EPG5: variants seen among roughly 807,000 people sequenced by gnomAD.
EPG5 encodes the protein ectopic P granules protein 5 homolog.
In EPG5, 159 loss-of-function variants were observed where a neutral mutation model predicts 302.7. That is an observed-to-expected ratio of 0.53 (90% CI 0.46 to 0.60). The LOEUF is 0.60. EPG5 is among the 20% of genes least tolerant of loss of function. The pLI is 0.00. For synonymous variants in EPG5, 1,158 were observed against 1,136.8 expected (o/e 1.02, Z -0.37); for missense variants, 2,896 against 3,092.4 (o/e 0.94, Z 1.51).
chr18:45,878,291 T>G (rs1352105417), intron 34 of EPG5, 85 bp downstream of exon 34: 2 of 880,630 alleles, frequency 2.3e-6, no homozygotes, highest in Non-Finnish European at 3.7e-6. Context: ...ATTAAATCTG[T>G]GAACTCATCA....
At chr18:45,855,384 C>A (rs2048493584) in intron 43 of EPG5, 189 bp downstream of exon 43, 1 of 540,688 alleles carries the variant, frequency 1.8e-6, no homozygotes, top group African/African-American at 1.9e-5. Flanking sequence ...GCGATCTAGA[C>A]AACTGCCTAC....
chr18:45,910,402 C>A, intron 23 of EPG5, 119 bp downstream of exon 23: 1 of 716,964 alleles, frequency 1.4e-6, no homozygotes, highest in African/African-American at 1.8e-5. Flanking sequence ...AGCCACCTTC[C>A]ATATTCAATC....
chr18:45,868,339 CT>C (rs370701330), intron 36 of EPG5, among the ~76,000 whole-genome samples: 1,782 of 138,058 alleles, frequency 0.013, 22 homozygotes, highest in African/African-American at 0.034. Context: ...TTCCTTTTTC[CT>C]TTTTTTTTTT....
chr18:45,862,419 C>CACG (rs1240359564), intron 39 of EPG5, among the ~76,000 whole-genome samples: 1 of 152,158 alleles, frequency 6.6e-6, no homozygotes, highest in Non-Finnish European at 1.5e-5. Flanking sequence ...GTAAGTGATA[C>CACG]GGTTTGGATC....
chr18:45,919,747 C>T (rs1408908320), intron 16 of EPG5, among the ~76,000 whole-genome samples: 4 of 152,042 alleles, frequency 2.6e-5, no homozygotes, highest in African/African-American at 9.7e-5. Context: ...CTCCTGACCT[C>T]GTGATCCGCC....
chr18:45,930,332 T>G (rs1037150525), intron 12 of EPG5, among the ~76,000 whole-genome samples: 6 of 152,154 alleles, frequency 3.9e-5, no homozygotes, highest in Non-Finnish European at 2.9e-5. Context: ...GCTGGGAAGC[T>G]AGGTTTCTGC....
intron 2 of EPG5, chr18:45,953,869 C>T (rs2050965137): frequency 2.0e-6 from 2 of 985,226 alleles, no homozygotes; most frequent in African/African-American, 3.5e-5. Flanking sequence ...GTGATCATAA[C>T]ACCTTCAGTT....
the EPG5 span, among the ~76,000 whole-genome samples, chr18:45,823,477 G>C: frequency 6.6e-6 from 1 of 152,126 alleles, no homozygotes; most frequent in Non-Finnish European, 1.5e-5. Context: ...CGGTAAAGCT[G>C]TATTTCCTTA....
rs11301517 is a variant in EPG5, at chr18:45,967,161, TG to T, written c.63+15del. 1 allele frequency: 1,588,873 copies of T among 1,588,880 alleles called. 794,433 individuals are homozygous for T. The highest frequency in any genetic ancestry group is 1 in the Middle Eastern group (6,022 of 6,022). On this transcript the variant is annotated intron_variant, in intron 1 of 43. Coordinates refer to ENST00000282041, the MANE Select transcript of EPG5 (RefSeq NM_020964.3). ...GCACACTGCCAGAGCCTCGGGAGGG[TG>T]GGGGAGATCCTCACCTTTGTTTTAG...
At chr18:45,870,170 T>C (rs766149285) in intron 36 of EPG5, among the ~76,000 whole-genome samples, 5 of 152,198 alleles carry the variant, frequency 3.3e-5, no homozygotes, top group Non-Finnish European at 7.3e-5. Flanking sequence ...AAGAAACTAA[T>C]AGCTTCAGTA....
At position 45,911,452 on chromosome 18, in the gene EPG5, ATT is replaced by A. The variant is rs1163464123; in HGVS notation, c.3984-712_3984-711del. Among the ~76,000 whole-genome samples the A allele has an allele frequency of 6.0e-5, 9 of 150,488 alleles. No homozygotes were observed. In the East Asian group the frequency reaches 1.2e-3, roughly 19 times the overall value. On this transcript the variant is annotated intron_variant, in intron 22 of 43. Transcript: ENST00000282041. ...AGGCACCCGCCACCACGCCTGGCTA[ATT>A]TTTTTGTATTTTTTTTTTTAGTAGA...
chr18:45,930,945 G>C, intron 11 of EPG5, 115 bp from the exon 12 acceptor site: 1 of 1,025,588 alleles, frequency 9.8e-7, no homozygotes, highest in Non-Finnish European at 1.4e-6. Flanking sequence ...GTCTTTCTTT[G>C]TTCCAAAATA....
chr18:45,954,339 A>G (rs2050975762), intron 2 of EPG5, 55 bp downstream of exon 2: 1 of 1,485,684 alleles, frequency 6.7e-7, no homozygotes, highest in South Asian at 1.3e-5. Flanking sequence ...GACCTGGACA[A>G]CATCCCAGGA....
At chr18:45,818,266 TTTG>T in the EPG5 span, among the ~76,000 whole-genome samples, 211 of 151,754 alleles carry the variant, frequency 1.4e-3, no homozygotes, top group African/African-American at 4.7e-3. Flanking sequence ...ATTTTTTTTT[TTTG>T]TTTTCCTTTA....
At chr18:45,903,352 T>A (rs1161683761) in intron 25 of EPG5, among the ~76,000 whole-genome samples, 1 of 152,148 alleles carries the variant, frequency 6.6e-6, no homozygotes, top group African/African-American at 2.4e-5. Flanking sequence ...ATTTTACAGA[T>A]GAATGGCGTG....
chr18:45,900,496 G>A (rs1432274259), intron 26 of EPG5, among the ~76,000 whole-genome samples: 1 of 151,666 alleles, frequency 6.6e-6, no homozygotes, highest in East Asian at 1.9e-4. Flanking sequence ...CTCCACGTAC[G>A]CTCCTTCTCA....
the EPG5 span, among the ~76,000 whole-genome samples, chr18:45,806,920 A>G: frequency 6.6e-6 from 1 of 152,198 alleles, no homozygotes; most frequent in African/African-American, 2.4e-5. Flanking sequence ...AGGCAGGGGA[A>G]GAAGGAAAGA....
chr18:45,830,653 T>A, the EPG5 span, among the ~76,000 whole-genome samples: 11 of 132,024 alleles, frequency 8.3e-5, no homozygotes, highest in Non-Finnish European at 3.1e-5. Flanking sequence ...TGGCACCATC[T>A]CAGCTCACTG....
chr18:45,894,085 AAC>A (rs1423314055), intron 27 of EPG5, among the ~76,000 whole-genome samples: 1 of 152,218 alleles, frequency 6.6e-6, no homozygotes, highest in Non-Finnish European at 1.5e-5. Flanking sequence ...AACTAATCAT[AAC>A]ACAAAATAAG....
Sources: gnomAD v4.1 joint callset for allele counts (sites outside exome capture counted in the v4.1 genomes callset) on GRCh38, gnomAD v4.1.1 for gene constraint, MANE v1.5 for transcripts, NCBI Gene and HGNC (gene_info 2026-07-23, HGNC 2026-07-21) for gene names.